DHX34: variants seen among roughly 807,000 people sequenced by gnomAD.
DHX34 encodes DExH-box helicase 34, also known as probable ATP-dependent RNA helicase DHX34.
In DHX34, 96 loss-of-function variants were observed where a neutral mutation model predicts 111.1. That is an observed-to-expected ratio of 0.86 (90% CI 0.73 to 1.02). DHX34 has a LOEUF of 1.02. Ranked by LOEUF, DHX34 falls within the 50% of genes least tolerant of loss-of-function variation. DHX34 has a pLI of 0.00. For synonymous variants in DHX34, 688 were observed against 670.4 expected, an observed-to-expected ratio of 1.03 and a Z score of -0.41; for missense variants, 1,560 against 1,579.9, an observed-to-expected ratio of 0.99 and a Z score of 0.21.
chr19:47,373,000 G>T, intron 8 of DHX34, 77 bp downstream of exon 8: 1 of 1,465,522 alleles, frequency 6.8e-7, no homozygotes, highest in South Asian at 1.4e-5. Context: ...GCTCCTCCTC[G>T]TGTCCCACCC....
At chr19:47,375,773 G>C in intron 10 of DHX34, 65 bp downstream of exon 10, 6 of 1,558,484 alleles carry the variant, frequency 3.8e-6, no homozygotes, top group Non-Finnish European at 5.2e-6. Context: ...TCCTGGGGGG[G>C]TCCCAGGGGA....
intron 12 of DHX34, 129 bp from the exon 13 acceptor site, chr19:47,376,971 A>G (rs1332702136): frequency 6.4e-7 from 1 of 1,550,818 alleles, no homozygotes; most frequent in African/African-American, 1.4e-5. Flanking sequence ...TGTCTGAGCC[A>G]GGCCACCAAA....
At chr19:47,369,994 A>G (rs539293708) in intron 7 of DHX34, among the ~76,000 whole-genome samples, 2 of 152,170 alleles carry the variant, frequency 1.3e-5, no homozygotes, top group South Asian at 4.1e-4. Context: ...CATCAGGAAT[A>G]GGGCGTTAAT....
chr19:47,357,867 T>A lies in DHX34; in HGVS notation c.1019T>A (p.Val340Asp), dbSNP rs766427726. ...CTACCTGGGGCTGTCTCCTCTCAGGTTGTGTACCAGCCGCAGGAGGCGGAG... is the reference window on the plus strand; with the variant it reads ...CTACCTGGGGCTGTCTCCTCTCAGGATGTGTACCAGCCGCAGGAGGCGGAG... The part of the protein sequence containing the change: ...QVPGRLFPIT[V>D]VYQPQEAEPT... Residue 340 changes from valine to aspartate, a missense_variant and splice_region_variant, in exon 4 of 17, where the codon GTT becomes GAT. By Grantham distance (152) the Val-to-Asp change is radical. Coordinates refer to ENST00000328771, the MANE Select transcript of DHX34 (RefSeq NM_014681.6). 17 of 1,612,000 alleles carry A rather than the reference T, an allele frequency of 1.1e-5. 1 individual carries two copies. In the Middle Eastern group the frequency reaches 5.0e-4, roughly 47 times the overall value.
In DHX34 at chr19:47,352,941, A is replaced by T; in HGVS notation, c.-90A>T. The stretch of plus-strand genomic sequence containing the variant: ...GAGAAAGTAGTTCTCTATTGCAGGC[A>T]CTGGCCTCTTAAATTGTTGCAGGTG... On this transcript the variant is annotated 5_prime_UTR_variant, in exon 2 of 17. Coordinates refer to ENST00000328771, the MANE Select transcript of DHX34 (RefSeq NM_014681.6). The T allele has an allele frequency of 6.7e-7, 1 of 1,488,300 alleles. No homozygotes were observed. The highest frequency in any genetic ancestry group is 8.9e-7 in the Non-Finnish European group (1 of 1,118,540). 92.2% of individuals were successfully genotyped at this position (1,488,300 alleles called of 1,614,324 possible).
chr19:47,361,154 A>G (rs1969619670), intron 5 of DHX34, among the ~76,000 whole-genome samples: 1 of 152,042 alleles, frequency 6.6e-6, no homozygotes, highest in African/African-American at 2.4e-5. Flanking sequence ...TCATCTGAAA[A>G]ATGACAATGG....
chr19:47,372,918 G>C lies in DHX34; in HGVS notation c.1957G>C (p.Val653Leu). The C allele has an allele frequency of 6.3e-7, 1 of 1,595,706 alleles. No individual in the cohort carries two copies. Among genetic ancestry groups the C allele is most frequent in the East Asian group, 2.2e-5 (1 of 44,650 alleles). Residue 653 changes from valine (V) to leucine (L), a missense_variant, in exon 8 of 17, where the codon GTG becomes CTG. Coordinates refer to ENST00000328771, the MANE Select transcript of DHX34 (RefSeq NM_014681.6). The part of the protein sequence containing the change: ...FTLFNVFNAW[V>L]QVKSERSRNS... ...GCTCTTCAACGTCTTCAACGCCTGG[G>C]TGCAGGTGAGGCTGGTGGTGGGGGC...
In DHX34 at chr19:47,355,494, A is replaced by G. The variant is rs561395102; in HGVS notation, c.1017+144A>G. On this transcript the variant is annotated intron_variant, in intron 3 of 16. Coordinates refer to ENST00000328771, the MANE Select transcript of DHX34 (RefSeq NM_014681.6). Reference sequence around the variant, plus strand: ...CTTTTTTTAAAGCTACCATTTTCTGAGCATTCATAATCAGCTGGTTAGAGT... The same window carrying G: ...CTTTTTTTAAAGCTACCATTTTCTGGGCATTCATAATCAGCTGGTTAGAGT... The G allele has an allele frequency of 1.4e-5, 18 of 1,325,144 alleles. No homozygotes were observed. The South Asian group carries it at 2.4e-4, about 18-fold the overall frequency. The allele number at this position is 1,325,144 out of a possible 1,614,324, so 82.1% of individuals were successfully genotyped here.
intron 6 of DHX34, among the ~76,000 whole-genome samples, chr19:47,363,177 A>G (rs1969687077): frequency 6.6e-6 from 1 of 151,752 alleles, no homozygotes; most frequent in African/African-American, 2.4e-5. Context: ...GATGGTCTTG[A>G]TTTCCTGACC....
In DHX34 at chr19:47,362,669, G is replaced by A. The variant is rs1173182111; in HGVS notation, c.1569G>A (p.Val523=). 1 of 1,612,834 alleles carries A rather than the reference G, an allele frequency of 6.2e-7. No homozygotes were observed. Among genetic ancestry groups the A allele is most frequent in the East Asian group, 2.2e-5 (1 of 44,840 alleles). The stretch of plus-strand genomic sequence containing the variant: ...ACCCCGTCCCAGAAATTCGGAGGGT[G>A]GCCCTGGACTCGTTGGTGCTGCAGG... ...APYPVPEIRR[V]ALDSLVLQMK... The change falls in exon 6 of 17, where the codon GTG becomes GTA. Residue 523 remains valine, a synonymous_variant. Transcript: ENST00000328771.
chr19:47,375,478 G>A lies in DHX34; in HGVS notation c.2077G>A (p.Asp693Asn), dbSNP rs1286908861. Residue 693 changes from aspartate (D) to asparagine (N), a missense_variant, in exon 10 of 17, where the codon GAC becomes AAC. Transcript: ENST00000328771. ...CACCTGCCCCTAGGAGCTGTTGGAG[G>A]ACCACGGGCTGCTGGCTGGGGCCCA... ...LRRQFKELLE[D>N]HGLLAGAQAA... is the part of the protein sequence containing the mutation. 6.3e-7 allele frequency: 1 copy of A among 1,582,476 alleles called. No homozygotes were observed. The highest frequency in any genetic ancestry group is 1.7e-5 in the Admixed American group (1 of 57,506).
intron 6 of DHX34, among the ~76,000 whole-genome samples, chr19:47,366,500 C>CA (rs1189963687): frequency 6.6e-6 from 1 of 150,764 alleles, no homozygotes; most frequent in African/African-American, 2.4e-5. Context: ...AGTCTGGTCT[C>CA]AAACTCCTGA....
chr19:47,370,714 T>C (rs1296821493), intron 7 of DHX34, among the ~76,000 whole-genome samples: 2 of 152,158 alleles, frequency 1.3e-5, no homozygotes, highest in African/African-American at 4.8e-5. Flanking sequence ...TTTCACTCTG[T>C]CCTCCAGGCT....
At chr19:47,373,441 A>G in intron 8 of DHX34, 158 bp from the exon 9 acceptor site, 11 of 980,858 alleles carry the variant, frequency 1.1e-5, no homozygotes, top group Non-Finnish European at 1.3e-5. Context: ...GTAGTCTGGG[A>G]GGGCTTCCCA....
At chr19:47,362,275 A>G (rs1195144591) in intron 5 of DHX34, 1 of 831,822 alleles carries the variant, frequency 1.2e-6, no homozygotes, top group East Asian at 1.3e-4. Flanking sequence ...CTCAAAAAAA[A>G]AAAAAAAAAA....
intron 13 of DHX34, among the ~76,000 whole-genome samples, chr19:47,378,288 G>A (rs1970234520): frequency 6.7e-6 from 1 of 149,916 alleles, no homozygotes; most frequent in Admixed American, 6.6e-5. Flanking sequence ...TGGTGGGCCA[G>A]GCACTGTTAG....
At position 47,375,549 on chromosome 19, in the gene DHX34, G is replaced by A. The variant is rs1463312227; in HGVS notation, c.2148G>A (p.Arg716=). The change falls in exon 10 of 17, where the codon CGG becomes CGA. Residue 716 remains arginine, a synonymous_variant. Transcript: ENST00000328771. ...GCTACAGTCGGTTGCAGCAGCGCCGGGAGCGCCGGGCCCTGCACCAGCTGA... is the reference window on the plus strand; with the variant it reads ...GCTACAGTCGGTTGCAGCAGCGCCGAGAGCGCCGGGCCCTGCACCAGCTGA... ...GDSYSRLQQR[R]ERRALHQLKR... is the part of the protein sequence containing the mutation. 1.3e-5 allele frequency: 20 copies of A among 1,551,882 alleles called. No homozygotes were observed. The highest frequency in any genetic ancestry group is 1.7e-5 in the Non-Finnish European group (20 of 1,153,736).
intron 6 of DHX34, among the ~76,000 whole-genome samples, chr19:47,365,029 C>A (rs1213181677): frequency 1.3e-5 from 2 of 151,974 alleles, no homozygotes; most frequent in African/African-American, 2.4e-5. Context: ...ACTCCTCTGG[C>A]CAGTCTCTCA....
At position 47,375,837 on chromosome 19, in the gene DHX34, C is replaced by T. The variant is rs1970132352; in HGVS notation, c.2308-87C>T. Reference sequence around the variant, plus strand: ...GGTTTCCATGGACGGTGCTTGGTCCCAGGTATCTGCAGAGCCTGGGGGTCT... The same window carrying T: ...GGTTTCCATGGACGGTGCTTGGTCCTAGGTATCTGCAGAGCCTGGGGGTCT... On this transcript the variant is annotated intron_variant, in intron 10 of 16. Transcript: ENST00000328771. 4 of 1,540,692 alleles carry T rather than the reference C, an allele frequency of 2.6e-6. No individual in the cohort carries two copies. The South Asian group carries it at 4.9e-5, about 19-fold the overall frequency.
Sources: allele counts gnomAD v4.1 joint callset (sites outside exome capture counted in the v4.1 genomes callset), GRCh38; gene constraint gnomAD v4.1.1; transcripts MANE v1.5; gene names NCBI Gene and HGNC (gene_info 2026-07-23, HGNC 2026-07-21).